Variants in PDE1A observed in about 807,000 individuals in gnomAD.
PDE1A encodes phosphodiesterase 1A.
Under a neutral mutation model 61.7 loss-of-function variants are expected in PDE1A, and 35 were observed. That is an observed-to-expected ratio of 0.57 (90% CI 0.43 to 0.75). The LOEUF is 0.75. Among genes scored for constraint, PDE1A ranks in the 30% least tolerant of loss-of-function variants. The probability of loss-of-function intolerance (pLI) is 0.00; values close to 1 mark genes in which losing one functional copy is unlikely to be tolerated. For synonymous variants in PDE1A, 232 were observed against 213.2 expected, an observed-to-expected ratio of 1.09 and a Z score of -0.77; for missense variants, 597 against 630.6, an observed-to-expected ratio of 0.95 and a Z score of 0.57.
chr2:182,556,611 G>A, the PDE1A span, among the ~76,000 whole-genome samples: 23 of 152,136 alleles, frequency 1.5e-4, no homozygotes, highest in Non-Finnish European at 3.1e-4. Context: ...AGTCCAATGA[G>A]CCCTTTAAAC....
rs899697354 is a variant in PDE1A, at chr2:182,242,935, A to ATGTG, written c.168-2647_168-2644dup. On this transcript the variant is annotated intron_variant, in intron 2 of 13. Transcript: ENST00000351439. ...CTCTCTCTCTCTCTCTCGTGTGTGT[A>ATGTG]TGTGTGTGTGTGTGTTGTGTAGCTG... Among the ~76,000 whole-genome samples the ATGTG allele has an allele frequency of 1.3e-3, 190 of 142,834 alleles. 5 individuals carry two copies. Among genetic ancestry groups the ATGTG allele is most frequent in the Non-Finnish European group, 1.2e-3 (76 of 65,298 alleles). The allele number at this position is 142,834 out of a possible 152,430, so 93.7% of individuals were successfully genotyped here.
chr2:182,563,144 T>A, the PDE1A span, among the ~76,000 whole-genome samples: 14 of 152,222 alleles, frequency 9.2e-5, no homozygotes, highest in Non-Finnish European at 1.9e-4. Flanking sequence ...TTAATTGTGA[T>A]ATTAGGGTGT....
chr2:182,212,956 T>A (rs1475701836), intron 7 of PDE1A, among the ~76,000 whole-genome samples: 3 of 150,740 alleles, frequency 2.0e-5, no homozygotes, highest in Non-Finnish European at 3.0e-5. Flanking sequence ...GCCCCACCTC[T>A]GGGGGCAGGG....
At chr2:182,196,617 G>A (rs764799592) in intron 10 of PDE1A, among the ~76,000 whole-genome samples, 8 of 151,684 alleles carry the variant, frequency 5.3e-5, no homozygotes, top group East Asian at 1.9e-4. Flanking sequence ...CCTTAACCTC[G>A]TCCAAGGAAT....
the PDE1A span, among the ~76,000 whole-genome samples, chr2:182,659,866 T>C: frequency 1.3e-5 from 2 of 152,236 alleles, no homozygotes; most frequent in African/African-American, 4.8e-5. Context: ...CAAAATACTA[T>C]GAAAATGTTT....
the PDE1A span, among the ~76,000 whole-genome samples, chr2:182,541,062 A>G: frequency 6.6e-6 from 1 of 152,216 alleles, no homozygotes; most frequent in Non-Finnish European, 1.5e-5. Flanking sequence ...CTGATTGGCT[A>G]CAAAATCAGA....
intron 2 of PDE1A, among the ~76,000 whole-genome samples, chr2:182,498,645 G>A (rs112085092): frequency 2.5e-4 from 38 of 152,168 alleles, no homozygotes; most frequent in Non-Finnish European, 5.0e-4. Context: ...CAATTTCCCA[G>A]TATCAAAATT....
exon 12 of PDE1A, chr2:182,186,527 A>G: frequency 6.2e-7 from 1 of 1,612,980 alleles, no homozygotes; most frequent in Middle Eastern, 1.7e-4. Context: ...GAGGAATAAC[A>G]ATTTTCTCTG....
At chr2:182,663,679 G>A in the PDE1A span, among the ~76,000 whole-genome samples, 1 of 152,070 alleles carries the variant, frequency 6.6e-6, no homozygotes. Context: ...CTGGAGAGAG[G>A]AAAGTGGGAG....
At chr2:182,298,028 G>T (rs987689565) in intron 1 of PDE1A, among the ~76,000 whole-genome samples, 2 of 152,174 alleles carry the variant, frequency 1.3e-5, no homozygotes, top group African/African-American at 4.8e-5. Flanking sequence ...GATACTCAGG[G>T]TATGTTAGCA....
intron 1 of PDE1A, among the ~76,000 whole-genome samples, chr2:182,280,701 C>T (rs975563757): frequency 1.3e-5 from 2 of 151,778 alleles, no homozygotes; most frequent in Non-Finnish European, 2.9e-5. Context: ...TCTCTAATGC[C>T]TTCTCTTTTT....
At chr2:182,564,320 G>A in the PDE1A span, among the ~76,000 whole-genome samples, 1 of 152,118 alleles carries the variant, frequency 6.6e-6, no homozygotes, top group African/African-American at 2.4e-5. Flanking sequence ...ATGAAGCTTA[G>A]TTTGGCTGGA....
chr2:182,527,796 T>C (rs377112799), upstream of PDE1A, among the ~76,000 whole-genome samples: 4 of 151,952 alleles, frequency 2.6e-5, no homozygotes, highest in African/African-American at 7.3e-5. Context: ...ATAGGGGTGG[T>C]TTCCCTTACA....
At chr2:182,420,422 A>G (rs983076052) in intron 1 of PDE1A, among the ~76,000 whole-genome samples, 4 of 152,194 alleles carry the variant, frequency 2.6e-5, no homozygotes, top group African/African-American at 9.6e-5. Context: ...TGCCACTTTT[A>G]TATGACAAAG....
chr2:182,643,691 G>A, the PDE1A span, among the ~76,000 whole-genome samples: 1 of 152,116 alleles, frequency 6.6e-6, no homozygotes, highest in African/African-American at 2.4e-5. Context: ...GGAAGAGAAA[G>A]AAAAGGTTTA....
chr2:182,713,544 T>C, the PDE1A span, among the ~76,000 whole-genome samples: 1 of 152,150 alleles, frequency 6.6e-6, no homozygotes, highest in Non-Finnish European at 1.5e-5. Context: ...GACAGGAGAA[T>C]TGCTTGAACC....
chr2:182,146,742 G>T (rs745627026), downstream of PDE1A, among the ~76,000 whole-genome samples: 2 of 152,106 alleles, frequency 1.3e-5, no homozygotes, highest in Admixed American at 1.3e-4. Flanking sequence ...CCTTGGCCTC[G>T]CAAAGTGCTG....
intron 7 of PDE1A, among the ~76,000 whole-genome samples, chr2:182,207,709 C>G (rs1055884060): frequency 6.6e-6 from 1 of 152,166 alleles, no homozygotes; most frequent in Non-Finnish European, 1.5e-5. Flanking sequence ...GAAGATGTCT[C>G]CAGGGCATTT....
At chr2:182,522,187 C>A in intron 2 of PDE1A, 1 of 1,058,860 alleles carries the variant, frequency 9.4e-7, no homozygotes, top group Admixed American at 1.9e-5. Context: ...CTAAAGGAAA[C>A]TAGCCCACAA....
Sources: gnomAD v4.1 joint callset for allele counts (sites outside exome capture counted in the v4.1 genomes callset) on GRCh38, gnomAD v4.1.1 for gene constraint, MANE v1.5 for transcripts, NCBI Gene and HGNC (gene_info 2026-07-23, HGNC 2026-07-21) for gene names.